The following PHF3 variants were observed in gnomAD, a reference collection of about 807,000 sequenced individuals.
PHF3 encodes PHD finger protein 3.
Under a neutral mutation model 178.4 loss-of-function variants are expected in PHF3, and 41 were observed. That is an observed-to-expected ratio of 0.23 (90% CI 0.18 to 0.30). The LOEUF (loss-of-function observed/expected upper bound fraction) is 0.30. PHF3 is among the 10% of genes least tolerant of loss of function. PHF3 has a pLI of 1.00. For synonymous variants in PHF3, 842 were observed against 800.5 expected, an observed-to-expected ratio of 1.05 and a Z score of -0.88; for missense variants, 2,346 against 2,398.1, an observed-to-expected ratio of 0.98 and a Z score of 0.45.
rs528924387 is a variant in PHF3 at position 63,649,488 on chromosome 6, T to A, written c.244+2693T>A. ...TATTTTGTAACCTTAGTGCTAAAAT[T>A]AGCTACCAAAATAATTGCTACATCA... is the stretch of plus-strand genomic sequence containing the variant. On this transcript the variant is annotated intron_variant, in intron 2 of 15. Coordinates refer to ENST00000262043, the MANE Select transcript of PHF3 (RefSeq NM_001370348.2). Among the ~76,000 whole-genome samples the A allele has an allele frequency of 4.5e-4, 69 of 152,282 alleles. 1 individual carries two copies. The South Asian group carries it at 0.011, about 23-fold the overall frequency.
At chr6:63,663,000 G>A (rs187813927) in intron 2 of PHF3, among the ~76,000 whole-genome samples, 14 of 152,186 alleles carry the variant, frequency 9.2e-5, no homozygotes, top group Admixed American at 5.9e-4. Flanking sequence ...ACAACAGCCT[G>A]GATAGTTTAA....
chr6:63,679,340 A>G (rs1024546965), intron 2 of PHF3, among the ~76,000 whole-genome samples: 4 of 152,108 alleles, frequency 2.6e-5, no homozygotes, highest in Admixed American at 6.5e-5. Context: ...AATTAAATAC[A>G]TGAGTCTGTC....
At chr6:63,671,973 CTGATCTCA>C (rs1397410091) in intron 2 of PHF3, among the ~76,000 whole-genome samples, 7 of 152,048 alleles carry the variant, frequency 4.6e-5, no homozygotes, top group South Asian at 2.1e-4. Flanking sequence ...TCTTGATCTC[CTGATCTCA>C]TGATCTGCGT....
chr6:63,663,467 C>G (rs1422999960), intron 2 of PHF3, among the ~76,000 whole-genome samples: 2 of 152,104 alleles, frequency 1.3e-5, no homozygotes, highest in African/African-American at 4.8e-5. Context: ...AAATCATAGA[C>G]CTAGACCTCC....
intron 2 of PHF3, among the ~76,000 whole-genome samples, chr6:63,664,667 C>G (rs1243295399): frequency 1.3e-5 from 2 of 151,990 alleles, no homozygotes; most frequent in Admixed American, 6.6e-5. Flanking sequence ...TGTATAAGAA[C>G]TTACTTGGAA....
rs768045168 is a variant in PHF3 at position 63,719,064 on chromosome 6, G to A, written c.*5356G>A. Reference sequence around the variant, plus strand: ...CTTTGAATCAATGTGTAAACATTCTGCAATTCTACCTTATATTCTACCCTC... The same window carrying A: ...CTTTGAATCAATGTGTAAACATTCTACAATTCTACCTTATATTCTACCCTC... On this transcript the variant is annotated 3_prime_UTR_variant, in exon 16 of 16. Transcript: ENST00000262043. Among the ~76,000 whole-genome samples the A allele has an allele frequency of 6.6e-6, 1 of 151,930 alleles. No homozygotes were observed. Among genetic ancestry groups the A allele is most frequent in the Non-Finnish European group, 1.5e-5 (1 of 67,922 alleles).
At chr6:63,653,009 A>G (rs1200421555) in intron 2 of PHF3, among the ~76,000 whole-genome samples, 1 of 129,928 alleles carries the variant, frequency 7.7e-6, no homozygotes, top group Non-Finnish European at 1.6e-5. Flanking sequence ...GCTCAGGATT[A>G]TGTTGGCTAG....
At chr6:63,706,286 C>G in intron 12 of PHF3, 62 bp downstream of exon 12, 3 of 1,276,876 alleles carry the variant, frequency 2.3e-6, no homozygotes, top group South Asian at 3.2e-5. Context: ...ATTATACTTG[C>G]AAGTCTTCAA....
At chr6:63,703,940 C>T (rs962971166) in intron 11 of PHF3, among the ~76,000 whole-genome samples, 3 of 152,052 alleles carry the variant, frequency 2.0e-5, no homozygotes, top group African/African-American at 7.2e-5. Context: ...AGAATTTAAC[C>T]ATTAGAATGA....
chr6:63,692,142 C>T, intron 5 of PHF3, 99 bp downstream of exon 5: 4 of 864,838 alleles, frequency 4.6e-6, no homozygotes, highest in Non-Finnish European at 6.9e-6. Context: ...TTTTAATGTT[C>T]TTTTACATTT....
intron 2 of PHF3, among the ~76,000 whole-genome samples, chr6:63,672,914 T>C (rs888215135): frequency 1.3e-5 from 2 of 152,342 alleles, no homozygotes; most frequent in East Asian, 1.9e-4. Context: ...TGCCGATTTC[T>C]GTATGTCACT....
intron 2 of PHF3, among the ~76,000 whole-genome samples, chr6:63,662,053 C>T (rs1042426755): frequency 3.3e-5 from 5 of 152,054 alleles, no homozygotes; most frequent in African/African-American, 7.2e-5. Flanking sequence ...TTCATAGGAG[C>T]GCGAACCCTA....
Position 63,709,249 on chromosome 6 carries a change from A to G in PHF3, c.3801+9A>G, listed in dbSNP as rs774845625. The stretch of plus-strand genomic sequence containing the variant: ...AAGCATCAGGAACCAAGGTGAGGAA[A>G]ACTTTTTTCACTATACCAGCATGGG... On this transcript the variant is annotated intron_variant, in intron 14 of 15. Coordinates refer to ENST00000262043, the MANE Select transcript of PHF3 (RefSeq NM_001370348.2). The G allele has an allele frequency of 7.0e-6, 11 of 1,560,814 alleles. No homozygotes were observed. The highest frequency in any genetic ancestry group is 3.4e-5 in the Admixed American group (2 of 59,240).
intron 3 of PHF3, among the ~76,000 whole-genome samples, chr6:63,681,260 T>C (rs1289030990): frequency 6.6e-6 from 1 of 152,066 alleles, no homozygotes; most frequent in Non-Finnish European, 1.5e-5. Context: ...CTTTGGTGTT[T>C]TGATATTTCA....
At chr6:63,691,611 G>T in intron 4 of PHF3, 126 bp from the exon 5 acceptor site, 1 of 781,266 alleles carries the variant, frequency 1.3e-6, no homozygotes, top group Non-Finnish European at 2.1e-6. Context: ...TTATGGAACG[G>T]ATAGAGATGG....
chr6:63,645,014 G>T (rs1478936071), intron 1 of PHF3, among the ~76,000 whole-genome samples: 2 of 151,780 alleles, frequency 1.3e-5, no homozygotes, highest in Admixed American at 1.3e-4. Context: ...CCGAGTGACT[G>T]GGTCTACAGG....
In PHF3 at chr6:63,721,395, C is replaced by T. The variant is rs1176413826; in HGVS notation, c.*7687C>T. On this transcript the variant is annotated 3_prime_UTR_variant, in exon 16 of 16. Transcript: ENST00000262043. ...TCCATTTCTGCATGTGTTGTACCCA[C>T]AGGCTGTCCCATCACAGTCACCTAC... 7 of 1,551,620 alleles carry T rather than the reference C, an allele frequency of 4.5e-6. No homozygotes were observed. The highest frequency in any genetic ancestry group is 5.2e-6 in the Non-Finnish European group (6 of 1,146,936).
Position 63,706,154 on chromosome 6 carries a change from A to G in PHF3, c.3493A>G (p.Ile1165Val). 2 of 1,614,048 alleles carry G rather than the reference A, an allele frequency of 1.2e-6. No homozygotes were observed. Among genetic ancestry groups the G allele is most frequent in the Non-Finnish European group, 1.7e-6 (2 of 1,179,952 alleles). ...AGATGCATTATCTTCAACCTCAAAT[A>G]TTTTGGCTTCTGAATTCTTTGAGGA... is the stretch of plus-strand genomic sequence containing the variant. ...IADALSSTSN[I>V]LASEFFEEEK... Residue 1165 changes from isoleucine to valine, a missense_variant, in exon 12 of 16, where the codon ATT (isoleucine) becomes GTT (valine). By Grantham distance (29) the Ile-to-Val change is conservative (BLOSUM62 3). Around this residue, in one of 8 missense-constraint regions of PHF3, gnomAD observed 205 missense variants for 212.4 expected, o/e 0.97. Coordinates refer to ENST00000262043, the MANE Select transcript of PHF3 (RefSeq NM_001370348.2).
intron 2 of PHF3, among the ~76,000 whole-genome samples, chr6:63,674,778 C>T (rs1766094901): frequency 6.6e-6 from 1 of 152,098 alleles, no homozygotes; most frequent in South Asian, 2.1e-4. Flanking sequence ...TACTTACTGC[C>T]AACTTTGTAA....
Sources: allele counts gnomAD v4.1 joint callset (sites outside exome capture counted in the v4.1 genomes callset), GRCh38; gene constraint gnomAD v4.1.1; regional missense constraint gnomAD v4.1.1; transcripts MANE v1.5; gene names NCBI Gene and HGNC (gene_info 2026-07-23, HGNC 2026-07-21).